The following DOCK7 variants were observed in gnomAD, a reference collection of about 807,000 sequenced individuals.
DOCK7 encodes the protein dedicator of cytokinesis protein 7.
In DOCK7, 138 loss-of-function variants were observed where a neutral mutation model predicts 271.0. The observed-to-expected ratio is 0.51, with a 90% CI of 0.44 to 0.59. The LOEUF is 0.59. Among genes scored for constraint, DOCK7 ranks in the 20% least tolerant of loss-of-function variants. The pLI is 0.00. For missense variants in DOCK7, 2,066 were observed against 2,592.4 expected (o/e 0.80, Z 4.41); for synonymous variants, 823 against 876.1 (o/e 0.94, Z 1.07).
chr1:62,559,060 C>T lies in DOCK7; in HGVS notation c.2360G>A (p.Arg787Gln), dbSNP rs748112814. ...LNSSQLEPVV[R>Q]FLHLLLDKLI... ...TTTATCTAGCAGAAGATGAAGAAAT[C>T]GGACCACTGGTTCCAGCTGGGATGA... The change falls in exon 20 of 50, where the codon CGA (arginine) becomes CAA (glutamine). Residue 787 changes from arginine to glutamine, a missense_variant. Physicochemically the swap from Arg to Gln is conservative, Grantham distance 43. Coordinates refer to ENST00000635253, the MANE Select transcript of DOCK7 (RefSeq NM_001367561.1). 43 of 1,613,636 alleles carry T rather than the reference C, an allele frequency of 2.7e-5. No homozygotes were observed. The highest frequency in any genetic ancestry group is 3.2e-5 in the Non-Finnish European group (38 of 1,179,834).
intron 12 of DOCK7, among the ~76,000 whole-genome samples, chr1:62,623,433 A>G (rs1653532209): frequency 6.6e-6 from 1 of 152,218 alleles, no homozygotes; most frequent in African/African-American, 2.4e-5. Flanking sequence ...GCTACTTCCC[A>G]GTTATAGTAA....
At chr1:62,505,627 C>CAATGTT in intron 36 of DOCK7, 55 bp downstream of exon 36, 1 of 1,548,670 alleles carries the variant, frequency 6.5e-7, no homozygotes, top group South Asian at 1.3e-5. Context: ...TGATCTTAGA[C>CAATGTT]AATGTTAATA....
intron 14 of DOCK7, among the ~76,000 whole-genome samples, chr1:62,610,129 G>T (rs560194928): frequency 6.6e-6 from 1 of 152,106 alleles, no homozygotes; most frequent in African/African-American, 2.4e-5. Flanking sequence ...GATTACAGGC[G>T]TGAGCCCCCG....
chr1:62,671,385 C>T (rs1387968321), intron 1 of DOCK7, among the ~76,000 whole-genome samples: 2 of 152,166 alleles, frequency 1.3e-5, no homozygotes, highest in East Asian at 3.9e-4. Flanking sequence ...ACTAAGAATG[C>T]TTGAATGGAA....
chr1:62,542,792 A>G, intron 24 of DOCK7, 89 bp from the exon 25 acceptor site: 1 of 1,282,674 alleles, frequency 7.8e-7, no homozygotes, highest in East Asian at 2.4e-5. Context: ...ACGAAGATAT[A>G]ATGAGAATAA....
At chr1:62,488,724 G>C in intron 42 of DOCK7, 2 of 634,936 alleles carry the variant, frequency 3.1e-6, no homozygotes, top group South Asian at 1.7e-5. Context: ...TATGCAGAAA[G>C]TTTATGATGA....
chr1:62,601,961 A>G (rs1185942726), intron 14 of DOCK7: 1 of 828,892 alleles, frequency 1.2e-6, no homozygotes, highest in Non-Finnish European at 2.1e-6. Context: ...CCTGGTTATC[A>G]TTGTTTTATA....
At chr1:62,562,775 G>A (rs1646369924) in intron 18 of DOCK7, among the ~76,000 whole-genome samples, 2 of 152,068 alleles carry the variant, frequency 1.3e-5, no homozygotes, top group African/African-American at 4.8e-5. Context: ...GAGTGCTAGA[G>A]AGGATGGCAA....
chr1:62,493,144 A>G (rs1439400217), intron 40 of DOCK7, among the ~76,000 whole-genome samples: 1 of 152,176 alleles, frequency 6.6e-6, no homozygotes, highest in Non-Finnish European at 1.5e-5. Context: ...GGAGACATCA[A>G]TAGTCTTTCT....
chr1:62,484,717 A>G (rs1646242527), intron 43 of DOCK7: 1 of 152,206 alleles, frequency 6.6e-6, no homozygotes, highest in Admixed American at 6.5e-5. Flanking sequence ...AAACATAATT[A>G]CAAAAATATA....
chr1:62,455,590 T>C (rs1349983212), intron 49 of DOCK7, 134 bp from the exon 50 acceptor site: 1 of 774,298 alleles, frequency 1.3e-6, no homozygotes. Flanking sequence ...CCAAGTTGGA[T>C]GCTCATCCTA....
rs753763120 is a variant in DOCK7 at position 62,539,770 on chromosome 1, T to A, written c.3168A>T (p.Ile1056=). Residue 1056 remains isoleucine, a synonymous_variant, in exon 26 of 50, where the codon ATA becomes ATT. Coordinates refer to ENST00000635253, the MANE Select transcript of DOCK7 (RefSeq NM_001367561.1). ...AALVSTIASD[I]VSRFQKDTEM... is the part of the protein sequence containing the mutation. ...TCATTACCTTCTGAAATCGTGAAACTATATCACTAGCAATCGTGCTGACAA... is the reference window on the plus strand; with the variant it reads ...TCATTACCTTCTGAAATCGTGAAACAATATCACTAGCAATCGTGCTGACAA... 2.5e-6 allele frequency: 4 copies of A among 1,613,106 alleles called. No homozygotes were observed. Among genetic ancestry groups the A allele is most frequent in the Non-Finnish European group, 3.4e-6 (4 of 1,179,778 alleles).
intron 36 of DOCK7, among the ~76,000 whole-genome samples, chr1:62,505,223 GGGAAAACAAATA>G (rs1646905366): frequency 6.6e-6 from 1 of 152,058 alleles, no homozygotes; most frequent in South Asian, 2.1e-4. Flanking sequence ...ATATTTCTAA[GGGAAAACAAATA>G]TAAGAAGTAA....
Position 62,486,646 on chromosome 1 carries a change from T to C in DOCK7, c.5508+752A>G, listed in dbSNP as rs1178330760. The C allele has an allele frequency of 3.3e-5, 5 of 152,100 alleles. 1 individual carries two copies. 9.4% of individuals were successfully genotyped at this position (152,100 alleles called of 1,614,324 possible). On this transcript the variant is annotated intron_variant, in intron 43 of 49. Transcript: ENST00000635253. ...ACTACTACATAAAAGGAAGCATGTG[T>C]AGTCTTATCAAACAATATATCAAAT...
chr1:62,637,452 T>G (rs1655418663), intron 7 of DOCK7, among the ~76,000 whole-genome samples: 1 of 152,192 alleles, frequency 6.6e-6, no homozygotes, highest in Non-Finnish European at 1.5e-5. Context: ...TACATACATT[T>G]TTGGTTATCG....
chr1:62,655,599 GT>G (rs1250128716), intron 2 of DOCK7, among the ~76,000 whole-genome samples: 1 of 151,612 alleles, frequency 6.6e-6, no homozygotes, highest in Admixed American at 6.6e-5. Context: ...TAATTTTTGT[GT>G]TTTTTTGTAG....
chr1:62,607,205 AT>A (rs201593278), intron 14 of DOCK7, among the ~76,000 whole-genome samples: 3 of 149,550 alleles, frequency 2.0e-5, no homozygotes, highest in Non-Finnish European at 3.0e-5. Flanking sequence ...TCAAAAAAAA[AT>A]AAATAACAAA....
Position 62,538,669 on chromosome 1 carries a change from A to G in DOCK7, c.3301-608T>C, listed in dbSNP as rs560042660. ...TCCATGTGGGTGAGTGCCCATGCATAGTTTTAACTTTTCTATTAGAAGAAA... is the reference window on the plus strand; with the variant it reads ...TCCATGTGGGTGAGTGCCCATGCATGGTTTTAACTTTTCTATTAGAAGAAA... On this transcript the variant is annotated intron_variant, in intron 27 of 49. Transcript: ENST00000635253. Among the ~76,000 whole-genome samples the G allele has an allele frequency of 3.3e-5, 5 of 152,340 alleles. No individual in the cohort carries two copies. The East Asian group carries it at 5.8e-4, about 18-fold the overall frequency.
At chr1:62,470,412 C>G (rs531625064) in intron 48 of DOCK7, among the ~76,000 whole-genome samples, 1 of 151,846 alleles carries the variant, frequency 6.6e-6, no homozygotes, top group Non-Finnish European at 1.5e-5. Context: ...TTTGAGGACT[C>G]GGTGAGAAAG....
Sources: allele counts gnomAD v4.1 joint callset (sites outside exome capture counted in the v4.1 genomes callset), GRCh38; gene constraint gnomAD v4.1.1; transcripts MANE v1.5; gene names NCBI Gene and HGNC (gene_info 2026-07-23, HGNC 2026-07-21).